The following ROBO2 variants were observed in gnomAD, a reference collection of about 807,000 sequenced individuals.
The protein encoded by ROBO2 is roundabout homolog 2.
Under a neutral mutation model 160.8 loss-of-function variants are expected in ROBO2, and 53 were observed. The ratio of observed to expected loss-of-function variants is 0.33; its 90% CI spans 0.26 to 0.41. The LOEUF is 0.41. Among genes scored for constraint, ROBO2 ranks in the 10% least tolerant of loss-of-function variants. The pLI, the probability that ROBO2 is intolerant of heterozygous loss-of-function variation, is 1.00. For synonymous variants in ROBO2, 664 were observed against 611.7 expected, an observed-to-expected ratio of 1.09 and a Z score of -1.26; for missense variants, 1,577 against 1,722.4, an observed-to-expected ratio of 0.92 and a Z score of 1.49.
At chr3:76,253,899 G>A (rs997734028) in intron 2 of ROBO2, among the ~76,000 whole-genome samples, 5 of 151,444 alleles carry the variant, frequency 3.3e-5, no homozygotes, top group Non-Finnish European at 7.4e-5. Context: ...CACTTATCTT[G>A]AAAGAAGAAA....
intron 2 of ROBO2, among the ~76,000 whole-genome samples, chr3:76,515,075 T>C (rs1437237923): frequency 6.6e-6 from 1 of 152,234 alleles, no homozygotes; most frequent in Admixed American, 6.5e-5. Flanking sequence ...TGTTTCTCTC[T>C]GACCTTCTGT....
At chr3:76,919,766 T>C (rs902940120) in intron 2 of ROBO2, among the ~76,000 whole-genome samples, 5 of 152,196 alleles carry the variant, frequency 3.3e-5, no homozygotes, top group Non-Finnish European at 7.4e-5. Flanking sequence ...TTTGCAATCT[T>C]GAATCACTGA....
intron 2 of ROBO2, among the ~76,000 whole-genome samples, chr3:77,103,944 G>C (rs941629258): frequency 6.6e-6 from 1 of 151,772 alleles, no homozygotes; most frequent in African/African-American, 2.4e-5. Flanking sequence ...TTTTATTTTG[G>C]CTGTAAATGC....
In ROBO2 at chr3:76,303,359, G is replaced by GTA. The variant is rs559776020; in HGVS notation, c.109+365766_109+365767dup. On this transcript the variant is annotated intron_variant, in intron 2 of 26. Coordinates refer to the ROBO2 transcript ENST00000487694. ...ACTTTAATTGTGTGTGTGTGTGTGTGTATATATATAAAAATAATGAACTAG... is the reference window on the plus strand; with the variant it reads ...ACTTTAATTGTGTGTGTGTGTGTGTGTATATATATATAAAAATAATGAACTAG... Among the ~76,000 whole-genome samples the GTA allele has an allele frequency of 3.7e-3, 554 of 151,564 alleles. 6 individuals carry two copies. The highest frequency in any genetic ancestry group is 0.024 in the Admixed American group (368 of 15,198).
intron 4 of ROBO2, among the ~76,000 whole-genome samples, chr3:77,487,996 T>A (rs147680389): frequency 0.01 from 1,561 of 152,314 alleles, 70 homozygotes; most frequent in Admixed American, 0.091. Context: ...ACTTAAGAGA[T>A]ACTATGCAAC....
intron 2 of ROBO2, among the ~76,000 whole-genome samples, chr3:77,303,952 G>T (rs1173759197): frequency 1.3e-5 from 2 of 152,082 alleles, no homozygotes; most frequent in Admixed American, 1.3e-4. Flanking sequence ...CTTTCCAAAT[G>T]AAATGCGGTG....
At chr3:76,489,454 A>G (rs1560032967) in intron 2 of ROBO2, among the ~76,000 whole-genome samples, 1 of 152,142 alleles carries the variant, frequency 6.6e-6, no homozygotes, top group Non-Finnish European at 1.5e-5. Flanking sequence ...CAGTTTTCTC[A>G]TGTACAAAAT....
intron 6 of ROBO2, among the ~76,000 whole-genome samples, chr3:77,530,825 A>T (rs1311928441): frequency 6.6e-6 from 1 of 152,028 alleles, no homozygotes; most frequent in Admixed American, 6.6e-5. Flanking sequence ...TGAATGCTGA[A>T]ATATTCATTT....
chr3:77,098,412 A>G, intron 2 of ROBO2, 72 bp downstream of exon 2: 9 of 1,448,152 alleles, frequency 6.2e-6, no homozygotes, highest in South Asian at 1.2e-5. Context: ...ATGTGTTCCC[A>G]TAGACGCTGA....
intron 2 of ROBO2, among the ~76,000 whole-genome samples, chr3:76,701,848 T>TAA (rs34039752): frequency 2.1e-5 from 3 of 143,362 alleles, no homozygotes; most frequent in Admixed American, 7.0e-5. Context: ...TGTAGCAGTC[T>TAA]AAAAAAAAAA....
intron 2 of ROBO2, among the ~76,000 whole-genome samples, chr3:76,118,159 A>G (rs932094758): frequency 1.3e-5 from 2 of 152,182 alleles, no homozygotes; most frequent in Non-Finnish European, 1.5e-5. Flanking sequence ...AAAGACACCA[A>G]TTTGAAAAGA....
At chr3:77,296,416 C>T (rs909890226) in intron 2 of ROBO2, among the ~76,000 whole-genome samples, 12 of 152,084 alleles carry the variant, frequency 7.9e-5, no homozygotes, top group Admixed American at 6.6e-4. Flanking sequence ...GTAAAATTGA[C>T]GGCTAAACCG....
intron 2 of ROBO2, among the ~76,000 whole-genome samples, chr3:76,878,647 C>A (rs1577207734): frequency 1.3e-5 from 2 of 152,124 alleles, no homozygotes; most frequent in Admixed American, 6.5e-5. Context: ...GCCGTATTTT[C>A]TTTTCTCGTT....
intron 2 of ROBO2, among the ~76,000 whole-genome samples, chr3:76,850,229 T>TA (rs566005025): frequency 1.8e-4 from 27 of 149,952 alleles, no homozygotes; most frequent in East Asian, 7.8e-4. Flanking sequence ...ATTTTATGAC[T>TA]AAAAAAAAAA....
intron 20 of ROBO2, chr3:77,603,761 A>G (rs2094474762): frequency 6.6e-6 from 1 of 152,118 alleles, no homozygotes; most frequent in South Asian, 2.1e-4. Flanking sequence ...TTCCTGGCCC[A>G]AAGATCCTTA....
intron 2 of ROBO2, among the ~76,000 whole-genome samples, chr3:76,609,854 C>T (rs943048031): frequency 6.6e-6 from 1 of 152,074 alleles, no homozygotes; most frequent in Non-Finnish European, 1.5e-5. Context: ...AGCTGTGGGT[C>T]TGTCACATGT....
At chr3:76,536,216 G>C (rs142706178) in intron 2 of ROBO2, among the ~76,000 whole-genome samples, 1 of 152,190 alleles carries the variant, frequency 6.6e-6, no homozygotes, top group Non-Finnish European at 1.5e-5. Flanking sequence ...GTCTTACAGC[G>C]GAGGCAAGCA....
intron 5 of ROBO2, among the ~76,000 whole-genome samples, chr3:77,513,658 T>C (rs1010546826): frequency 2.6e-5 from 4 of 151,846 alleles, no homozygotes; most frequent in Non-Finnish European, 5.9e-5. Flanking sequence ...TTTTGTTTGT[T>C]ATTCAGCTGA....
At chr3:77,001,671 A>G (rs1191445184) in intron 2 of ROBO2, among the ~76,000 whole-genome samples, 3 of 152,150 alleles carry the variant, frequency 2.0e-5, no homozygotes, top group Non-Finnish European at 4.4e-5. Flanking sequence ...AATGGTGCCA[A>G]GATTCTCTAT....
Sources: gnomAD v4.1 joint callset for allele counts (sites outside exome capture counted in the v4.1 genomes callset) on GRCh38, gnomAD v4.1.1 for gene constraint, MANE v1.5 for transcripts, NCBI Gene and HGNC (gene_info 2026-07-23, HGNC 2026-07-21) for gene names.